MTSS1: variants seen among roughly 807,000 people sequenced by gnomAD.
MTSS1 encodes MTSS I-BAR domain containing 1.
MTSS1 carries 18 observed loss-of-function variants against 79.0 expected under a neutral mutation model. That is an observed-to-expected ratio of 0.23 (90% CI 0.16 to 0.34). The LOEUF is 0.34. Ranked by LOEUF, MTSS1 falls within the 10% of genes least tolerant of loss-of-function variation. The pLI, the probability that MTSS1 is intolerant of heterozygous loss-of-function variation, is 1.00. For synonymous variants in MTSS1, 341 were observed against 368.6 expected, an observed-to-expected ratio of 0.93 and a Z score of 0.86; for missense variants, 815 against 986.2, an observed-to-expected ratio of 0.83 and a Z score of 2.33.
chr8:124,585,384 A>G (rs1490000889), intron 5 of MTSS1, among the ~76,000 whole-genome samples: 1 of 152,012 alleles, frequency 6.6e-6, no homozygotes, highest in Non-Finnish European at 1.5e-5. Context: ...ATATTCACTC[A>G]TACCAGCTTT....
chr8:124,651,503 G>A (rs1819965184), intron 3 of MTSS1, among the ~76,000 whole-genome samples: 1 of 151,684 alleles, frequency 6.6e-6, no homozygotes, highest in Admixed American at 6.6e-5. Context: ...TTAGAAACAT[G>A]TTACATTCAG....
chr8:124,559,227 T>C (rs1824732902), intron 10 of MTSS1, among the ~76,000 whole-genome samples: 1 of 152,116 alleles, frequency 6.6e-6, no homozygotes, highest in Non-Finnish European at 1.5e-5. Flanking sequence ...CAGGCCCAGG[T>C]CCCCAGGGAG....
At chr8:124,652,804 A>C (rs1011351577) in intron 3 of MTSS1, among the ~76,000 whole-genome samples, 1 of 151,900 alleles carries the variant, frequency 6.6e-6, no homozygotes. Flanking sequence ...CAAAAAAAAA[A>C]AAAAAAAAAC....
At chr8:124,710,416 T>C (rs1830989570) in intron 1 of MTSS1, among the ~76,000 whole-genome samples, 1 of 145,232 alleles carries the variant, frequency 6.9e-6, no homozygotes, top group Non-Finnish European at 1.5e-5. Context: ...ACTGAAGAGT[T>C]TGGTGGCCAC....
chr8:124,557,591 G>T, intron 11 of MTSS1, 90 bp downstream of exon 11: 1 of 1,273,630 alleles, frequency 7.9e-7, no homozygotes, highest in Non-Finnish European at 1.1e-6. Context: ...GGAAGGGGAT[G>T]AGGGGATAGT....
chr8:124,727,983 C>T lies in MTSS1; in HGVS notation c.-28G>A. ...TCCCGGCTCCGGCAGGGCGAGGGCA[C>T]ACACGCGGGGCCGCTGGACTGCGCG... On this transcript the variant is annotated 5_prime_UTR_variant, in exon 1 of 14. It adds an upstream start codon to the 5' untranslated region. Transcript: ENST00000518547. The surrounding 1 kb of genome is among the most constrained non-coding windows in gnomAD (Gnocchi z 4.7). The T allele has an allele frequency of 6.2e-7, 1 of 1,602,770 alleles. No homozygotes were observed. Among genetic ancestry groups the T allele is most frequent in the Non-Finnish European group, 8.5e-7 (1 of 1,174,180 alleles).
chr8:124,635,337 C>T (rs1336673966), intron 3 of MTSS1, among the ~76,000 whole-genome samples: 4 of 152,204 alleles, frequency 2.6e-5, no homozygotes, highest in African/African-American at 9.6e-5. Context: ...GCAGTCTGTA[C>T]ACAGAGAAGC....
At chr8:124,613,107 G>A (rs1024123925) in intron 3 of MTSS1, among the ~76,000 whole-genome samples, 1 of 152,294 alleles carries the variant, frequency 6.6e-6, no homozygotes, top group Admixed American at 6.5e-5. Context: ...TTACAGATGA[G>A]GAGCAAGACT....
At chr8:124,566,958 C>T (rs567324642) in intron 8 of MTSS1, 113 bp downstream of exon 8, 4 of 757,210 alleles carry the variant, frequency 5.3e-6, no homozygotes, top group Middle Eastern at 2.4e-4. Flanking sequence ...TCATGAAGGA[C>T]GTGGTGAATA....
intron 3 of MTSS1, among the ~76,000 whole-genome samples, chr8:124,611,434 G>A (rs1031758035): frequency 3.3e-5 from 5 of 151,932 alleles, no homozygotes; most frequent in Non-Finnish European, 5.9e-5. Context: ...CTGAACACAC[G>A]ACCTCCAGCT....
At chr8:124,606,067 C>T (rs1171221031) in intron 3 of MTSS1, among the ~76,000 whole-genome samples, 1 of 151,140 alleles carries the variant, frequency 6.6e-6, no homozygotes, top group Non-Finnish European at 1.5e-5. Context: ...CTTCTGCTTC[C>T]CAGGTTCAAG....
chr8:124,691,542 G>A (rs142845548), intron 3 of MTSS1, among the ~76,000 whole-genome samples: 1 of 151,922 alleles, frequency 6.6e-6, no homozygotes, highest in African/African-American at 2.4e-5. Context: ...TTGAGACCAA[G>A]TCTTGCTCTG....
chr8:124,637,356 T>G (rs1817203255), intron 3 of MTSS1, among the ~76,000 whole-genome samples: 1 of 152,086 alleles, frequency 6.6e-6, no homozygotes, highest in African/African-American at 2.4e-5. Context: ...GATGGTGACA[T>G]TAAAGTGATG....
intron 3 of MTSS1, among the ~76,000 whole-genome samples, chr8:124,678,928 C>T (rs1031424821): frequency 6.6e-6 from 1 of 152,238 alleles, no homozygotes; most frequent in Non-Finnish European, 1.5e-5. Context: ...TATAAAACAC[C>T]TATCCCTTCT....
intron 6 of MTSS1, among the ~76,000 whole-genome samples, chr8:124,575,662 T>G (rs1396298239): frequency 6.6e-6 from 1 of 152,048 alleles, no homozygotes; most frequent in African/African-American, 2.4e-5. Context: ...AAAGATCCCA[T>G]GATTCTTTCA....
At chr8:124,555,186 G>C (rs1366599369) in intron 13 of MTSS1, among the ~76,000 whole-genome samples, 1 of 152,184 alleles carries the variant, frequency 6.6e-6, no homozygotes, top group African/African-American at 2.4e-5. Context: ...ATTCAAATTG[G>C]AGACTGCTGT....
chr8:124,612,573 AAT>A (rs1491398170), intron 3 of MTSS1, among the ~76,000 whole-genome samples: 36 of 119,862 alleles, frequency 3.0e-4, no homozygotes, highest in African/African-American at 9.6e-4. Flanking sequence ...CCAAGTTTAA[AAT>A]GTGTGTGTGT....
At position 124,555,755 on chromosome 8, in the gene MTSS1, G is replaced by C; in HGVS notation, c.1554C>G (p.Thr518=). Residue 518 remains threonine, a synonymous_variant, in exon 13 of 14, where the codon ACC becomes ACG. Transcript: ENST00000518547. The stretch of plus-strand genomic sequence containing the variant: ...GCTGCCTCGTACCTTGGGAAGGGAT[G>C]GTGTCCTCAGAGCAGCAGGGGGTGG... ...QTTTPCCSED[T]IPSQVSDYDY... is the part of the protein sequence containing the mutation. 1 of 1,611,056 alleles carries C rather than the reference G, an allele frequency of 6.2e-7. No homozygotes were observed.
intron 1 of MTSS1, among the ~76,000 whole-genome samples, chr8:124,725,848 C>T (rs1270561927): frequency 6.6e-6 from 1 of 152,138 alleles, no homozygotes; most frequent in African/African-American, 2.4e-5. Context: ...TATGCATAAA[C>T]AATCTTGGAA....
Sources: allele counts gnomAD v4.1 joint callset (sites outside exome capture counted in the v4.1 genomes callset), GRCh38; gene constraint gnomAD v4.1.1; non-coding constraint Gnocchi (gnomAD v3.1); transcripts MANE v1.5; gene names NCBI Gene and HGNC (gene_info 2026-07-23, HGNC 2026-07-21).